Variants in RPSA2 observed in about 807,000 individuals in gnomAD.
RPSA2 encodes the protein small ribosomal subunit protein uS2B.
At chr19:23,815,577 T>C in the RPSA2 span, among the ~76,000 whole-genome samples, 1 of 152,242 alleles carries the variant, frequency 6.6e-6, no homozygotes, top group Admixed American at 6.5e-5. Flanking sequence ...ACACACTTTT[T>C]GTACAGTCTG....
the RPSA2 span, among the ~76,000 whole-genome samples, chr19:23,834,523 GAGGT>G: frequency 6.6e-6 from 1 of 151,984 alleles, no homozygotes; most frequent in Non-Finnish European, 1.5e-5. Context: ...TGTGATACAT[GAGGT>G]AGGTGTTCAG....
chr19:23,832,493 T>G, the RPSA2 span: 2 of 528,600 alleles, frequency 3.8e-6, no homozygotes, highest in Admixed American at 2.8e-5. Flanking sequence ...TGGCAAACCT[T>G]TTAGCCAAAA....
the RPSA2 span, among the ~76,000 whole-genome samples, chr19:23,796,904 T>TA: frequency 6.6e-6 from 1 of 151,500 alleles, no homozygotes; most frequent in Non-Finnish European, 1.5e-5. Flanking sequence ...GATTTCTTGA[T>TA]ACTGATTTTG....
the RPSA2 span, among the ~76,000 whole-genome samples, chr19:23,820,264 G>A: frequency 2.0e-5 from 3 of 152,162 alleles, no homozygotes; most frequent in Non-Finnish European, 4.4e-5. Flanking sequence ...TAGAAGTGGT[G>A]TCCTAATAGC....
the RPSA2 span, among the ~76,000 whole-genome samples, chr19:23,837,119 A>T: frequency 6.6e-6 from 1 of 152,096 alleles, no homozygotes; most frequent in Non-Finnish European, 1.5e-5. Flanking sequence ...TTCAGGTCTT[A>T]GGTTTAAGTC....
chr19:23,785,550 C>T, the RPSA2 span, among the ~76,000 whole-genome samples: 1 of 152,132 alleles, frequency 6.6e-6, no homozygotes, highest in South Asian at 2.1e-4. Flanking sequence ...TTGCTGGGCT[C>T]AGCACCTAGG....
At chr19:23,760,667 ATATTTT>A in the RPSA2 span, among the ~76,000 whole-genome samples, 1 of 96,956 alleles carries the variant, frequency 1.0e-5, no homozygotes, top group Admixed American at 1.2e-4. Flanking sequence ...ATATATATAT[ATATTTT>A]TTTTTTTTTA....
chr19:23,854,375 G>T, the RPSA2 span, among the ~76,000 whole-genome samples: 2 of 152,172 alleles, frequency 1.3e-5, no homozygotes. Flanking sequence ...CTACTGTGAA[G>T]GTGGACAAGC....
the RPSA2 span, among the ~76,000 whole-genome samples, chr19:23,837,783 G>A: frequency 6.6e-6 from 1 of 152,148 alleles, no homozygotes; most frequent in Non-Finnish European, 1.5e-5. Flanking sequence ...AAGAGCTACT[G>A]ATTTGTGTAC....
At chr19:23,776,983 A>G in the RPSA2 span, among the ~76,000 whole-genome samples, 1 of 152,142 alleles carries the variant, frequency 6.6e-6, no homozygotes, top group African/African-American at 2.4e-5. Flanking sequence ...GGGACCTGCC[A>G]TATGGGGATT....
the RPSA2 span, among the ~76,000 whole-genome samples, chr19:23,813,238 A>AAAC: frequency 1.3e-5 from 2 of 151,708 alleles, no homozygotes; most frequent in East Asian, 3.9e-4. Flanking sequence ...GTCTCAAAAA[A>AAAC]AAAAAAAAAA....
chr19:23,866,108 A>G, the RPSA2 span, among the ~76,000 whole-genome samples: 1 of 152,218 alleles, frequency 6.6e-6, no homozygotes, highest in South Asian at 2.1e-4. Context: ...TGGTACAACA[A>G]TTAACACTCC....
At chr19:23,839,747 A>G in the RPSA2 span, among the ~76,000 whole-genome samples, 1 of 152,168 alleles carries the variant, frequency 6.6e-6, no homozygotes, top group Non-Finnish European at 1.5e-5. Flanking sequence ...CCAGGCAGGA[A>G]TGGGCTCCTT....
chr19:23,854,065 C>T, the RPSA2 span, among the ~76,000 whole-genome samples: 5 of 152,152 alleles, frequency 3.3e-5, no homozygotes, highest in Admixed American at 3.3e-4. Context: ...GGCCCCGTGT[C>T]TTATCTCCTT....
the RPSA2 span, among the ~76,000 whole-genome samples, chr19:23,776,317 G>C: frequency 6.6e-6 from 1 of 152,166 alleles, no homozygotes; most frequent in South Asian, 2.1e-4. Flanking sequence ...CCATTGTCTT[G>C]CCTCTGTGCT....
At chr19:23,793,670 C>A in the RPSA2 span, among the ~76,000 whole-genome samples, 3 of 152,056 alleles carry the variant, frequency 2.0e-5, no homozygotes, top group South Asian at 6.2e-4. Context: ...TCAGGTGATT[C>A]TTCTGTCTCA....
At chr19:23,859,567 C>T in the RPSA2 span, among the ~76,000 whole-genome samples, 29 of 152,124 alleles carry the variant, frequency 1.9e-4, no homozygotes, top group East Asian at 2.3e-3. Flanking sequence ...GTGGAGGTTG[C>T]GGTCAGCTGA....
the RPSA2 span, among the ~76,000 whole-genome samples, chr19:23,849,766 AC>A: frequency 6.6e-6 from 1 of 152,180 alleles, no homozygotes; most frequent in African/African-American, 2.4e-5. Flanking sequence ...CCAGTCTATT[AC>A]TAAACCATAT....
At chr19:23,852,004 G>T in the RPSA2 span, among the ~76,000 whole-genome samples, 1 of 152,154 alleles carries the variant, frequency 6.6e-6, no homozygotes, top group Non-Finnish European at 1.5e-5. Context: ...AATTAGGGTG[G>T]CTATTTTAGA....
Sources: allele counts gnomAD v4.1 joint callset (sites outside exome capture counted in the v4.1 genomes callset), GRCh38; gene constraint gnomAD v4.1.1; transcripts MANE v1.5; gene names NCBI Gene and HGNC (gene_info 2026-07-23, HGNC 2026-07-21).